The following DRC7 variants were observed in gnomAD, a reference collection of about 807,000 sequenced individuals.
The protein encoded by DRC7 is coiled-coil domain containing 135.
A neutral mutation model predicts 104.4 loss-of-function variants in DRC7; 80 were observed. The ratio of observed to expected loss-of-function variants is 0.77; its 90% CI spans 0.64 to 0.92. DRC7 has a LOEUF of 0.92. Ranked by LOEUF, DRC7 falls within the 40% of genes least tolerant of loss-of-function variation. The probability of loss-of-function intolerance (pLI) is 0.00; values close to 1 mark genes in which losing one functional copy is unlikely to be tolerated. For synonymous variants in DRC7, 405 were observed against 447.3 expected, an observed-to-expected ratio of 0.91 and a Z score of 1.19; for missense variants, 1,034 against 1,141.1, an observed-to-expected ratio of 0.91 and a Z score of 1.35.
At chr16:57,723,337 C>A (rs567764836) in intron 12 of DRC7, among the ~76,000 whole-genome samples, 3 of 152,330 alleles carry the variant, frequency 2.0e-5, no homozygotes, top group Non-Finnish European at 2.9e-5. Flanking sequence ...GGAAATATAA[C>A]AAATGCTCCT....
chr16:57,714,945 A>G, intron 8 of DRC7: 1 of 327,130 alleles, frequency 3.1e-6, no homozygotes, highest in Non-Finnish European at 6.0e-6. Flanking sequence ...GTGACCTGAG[A>G]ATGCTAATTT....
rs1275093797 is a variant in DRC7 at position 57,723,002 on chromosome 16, G to T, written c.1409G>T (p.Cys470Phe). 4 of 1,613,818 alleles carry T rather than the reference G, an allele frequency of 2.5e-6. No individual in the cohort carries two copies. The highest frequency in any genetic ancestry group is 3.4e-6 in the Non-Finnish European group (4 of 1,179,988). ...CGGCAAGTGTCCATCGGCCCCACAG[G>T]TACCAATATTTTGGAGATAAAGGAG... ...SRLTTYEDLQ[C>F]TNILEIKEWY... Residue 470 changes from cysteine to phenylalanine, a missense_variant and splice_region_variant, in exon 12 of 19, where the codon TGT becomes TTT. Transcript: ENST00000360716.
intron 17 of DRC7, among the ~76,000 whole-genome samples, chr16:57,729,905 A>G (rs1597816627): frequency 3.4e-5 from 2 of 59,062 alleles, no homozygotes; most frequent in African/African-American, 1.4e-4. Flanking sequence ...TGAGTGAGTG[A>G]GTAGGTGGGT....
intron 12 of DRC7, among the ~76,000 whole-genome samples, chr16:57,723,880 C>A (rs866182860): frequency 6.6e-6 from 1 of 151,752 alleles, no homozygotes; most frequent in African/African-American, 2.4e-5. Flanking sequence ...CATCTTATAA[C>A]CCCCATGTTG....
rs1326333478 is a variant in DRC7, at chr16:57,699,054, G to A, written c.378+30G>A. On this transcript the variant is annotated intron_variant, in intron 4 of 18. Coordinates refer to ENST00000360716, the MANE Select transcript of DRC7 (RefSeq NM_001289162.2). ...GGCTGGCATGTTGAGGGCAGGGCTGGGGAGCCTGGGGCTGGAGAGCAGAGG... is the reference window on the plus strand; with the variant it reads ...GGCTGGCATGTTGAGGGCAGGGCTGAGGAGCCTGGGGCTGGAGAGCAGAGG... The A allele has an allele frequency of 3.1e-6, 5 of 1,607,380 alleles. 1 individual carries two copies. The Admixed American group carries it at 6.7e-5, about 22-fold the overall frequency.
chr16:57,698,763 AG>A, intron 3 of DRC7, 86 bp from the exon 4 acceptor site: 1 of 1,268,446 alleles, frequency 7.9e-7, no homozygotes, highest in Non-Finnish European at 1.1e-6. Flanking sequence ...TAAATGAGGA[AG>A]GGGTAGAGCC....
chr16:57,702,199 T>G (rs1305383677), intron 6 of DRC7, 69 bp downstream of exon 6: 4 of 1,537,862 alleles, frequency 2.6e-6, no homozygotes, highest in Non-Finnish European at 3.5e-6. Context: ...GTGCCATCCT[T>G]AGAGACGTCC....
rs188331624 is a variant in DRC7, at chr16:57,704,112, A to G, written c.700-764A>G. 9.9e-5 allele frequency among the ~76,000 whole-genome samples: 15 copies of G among 152,108 alleles called. No individual in the cohort carries two copies. In the East Asian group the frequency reaches 2.7e-3, roughly 27 times the overall value. ...GGGTTTAAAATCCGCTTTCATGTCC[A>G]TTGTGCTTGTTGCTCCCCACGATGG... On this transcript the variant is annotated intron_variant, in intron 6 of 18. Transcript: ENST00000360716.
chr16:57,710,481 A>T (rs2048781426), intron 8 of DRC7, among the ~76,000 whole-genome samples: 1 of 152,192 alleles, frequency 6.6e-6, no homozygotes, highest in Non-Finnish European at 1.5e-5. Context: ...TTCTTTTCCC[A>T]TCTGGATGCT....
chr16:57,723,812 A>T (rs2048933690), intron 12 of DRC7, among the ~76,000 whole-genome samples: 1 of 127,800 alleles, frequency 7.8e-6, no homozygotes, highest in African/African-American at 3.4e-5. Context: ...GATCAACCTC[A>T]TTTGGAAGTT....
At chr16:57,700,656 CA>C (rs59120133) in intron 5 of DRC7, among the ~76,000 whole-genome samples, 129 of 88,602 alleles carry the variant, frequency 1.5e-3, no homozygotes, top group East Asian at 4.2e-3. Flanking sequence ...AAAACTCTCT[CA>C]AAAAAAAAAA....
At position 57,707,690 on chromosome 16, in the gene DRC7, G is replaced by C. The variant is rs75635837; in HGVS notation, c.1077+12G>C. On this transcript the variant is annotated intron_variant, in intron 8 of 18. Transcript: ENST00000360716. ...GGAACTGCTGCAAGGTGCCTAGGGA[G>C]GGGGAGCTGGGTGGGTGTGGCAGGC... 92 of 1,610,802 alleles carry C rather than the reference G, an allele frequency of 5.7e-5. No individual in the cohort carries two copies. Among genetic ancestry groups the C allele is most frequent in the South Asian group, 5.1e-4 (46 of 90,786 alleles).
intron 8 of DRC7, among the ~76,000 whole-genome samples, chr16:57,710,498 C>G (rs2048781563): frequency 6.6e-6 from 1 of 152,180 alleles, no homozygotes; most frequent in African/African-American, 2.4e-5. Context: ...TGCTTTTCTT[C>G]CCTTATCACA....
At chr16:57,712,964 C>CT (rs2048804609) in intron 8 of DRC7, among the ~76,000 whole-genome samples, 1 of 152,190 alleles carries the variant, frequency 6.6e-6, no homozygotes, top group Non-Finnish European at 1.5e-5. Flanking sequence ...TTAATTTCTC[C>CT]TTTAATTCAT....
intron 1 of DRC7, 120 bp downstream of exon 1, chr16:57,694,972 TG>T (rs1296829905): frequency 2.0e-5 from 3 of 151,870 alleles, no homozygotes; most frequent in Non-Finnish European, 4.4e-5. Flanking sequence ...AAGTTGTTGG[TG>T]GGGTGTGTGT....
In DRC7 at chr16:57,724,732, A is replaced by G. The variant is rs533991072; in HGVS notation, c.1655A>G (p.Tyr552Cys). ...ACACCCAGGACAATGACAGAGTACT[A>G]TCAAGGACGCCCAGACTTCCTCTCC... The part of the protein sequence containing the change: ...EETPRTMTEY[Y>C]QGRPDFLSYR... The change falls in exon 13 of 19, where the codon TAT (tyrosine) becomes TGT (cysteine). Residue 552 changes from tyrosine to cysteine, a missense_variant. Physicochemically the swap from Tyr to Cys is radical, Grantham distance 194. Coordinates refer to ENST00000360716, the MANE Select transcript of DRC7 (RefSeq NM_001289162.2). 4 of 1,613,922 alleles carry G rather than the reference A, an allele frequency of 2.5e-6. No homozygotes were observed. The South Asian group carries it at 4.4e-5, about 18-fold the overall frequency.
At chr16:57,699,396 A>G (rs1379219977) in intron 4 of DRC7, among the ~76,000 whole-genome samples, 9 of 152,156 alleles carry the variant, frequency 5.9e-5, no homozygotes, top group Non-Finnish European at 1.3e-4. Flanking sequence ...CACGTGGGCC[A>G]AATAAAGCGG....
chr16:57,715,108 C>T (rs752995900), intron 8 of DRC7, among the ~76,000 whole-genome samples: 3 of 152,132 alleles, frequency 2.0e-5, no homozygotes, highest in Non-Finnish European at 2.9e-5. Context: ...AGTGCAGTGG[C>T]GCGATCTTGG....
Position 57,724,691 on chromosome 16 carries a change from G to C in DRC7, c.1614G>C (p.Leu538=). The change falls in exon 13 of 19, where the codon CTG becomes CTC. Residue 538 remains leucine, a synonymous_variant. Transcript: ENST00000360716. The stretch of plus-strand genomic sequence containing the variant: ...ATGAAACGGCCCGTGTGGATGGCCT[G>C]ATGAAGCGGGAGGAGACACCCAGGA... ...EFYETARVDG[L]MKREETPRTM... 6.2e-7 allele frequency: 1 copy of C among 1,613,962 alleles called. No homozygotes were observed. Among genetic ancestry groups the C allele is most frequent in the Middle Eastern group, 1.6e-4 (1 of 6,062 alleles).
Sources: gnomAD v4.1 joint callset for allele counts (sites outside exome capture counted in the v4.1 genomes callset) on GRCh38, gnomAD v4.1.1 for gene constraint, MANE v1.5 for transcripts, NCBI Gene and HGNC (gene_info 2026-07-23, HGNC 2026-07-21) for gene names.